Variants in PODXL observed in about 807,000 individuals in gnomAD.
The protein encoded by PODXL is podocalyxin like.
PODXL carries 20 observed loss-of-function variants against 48.9 expected under a neutral mutation model. The ratio of observed to expected loss-of-function variants is 0.41; its 90% confidence interval spans 0.29 to 0.59. The LOEUF (loss-of-function observed/expected upper bound fraction) is 0.59, where lower values mean the gene tolerates loss of function less well. PODXL is among the 20% of genes least tolerant of loss of function. The probability of loss-of-function intolerance (pLI) is 0.31; values close to 1 mark genes in which losing one functional copy is unlikely to be tolerated. For missense variants in PODXL, 606 were observed against 675.1 expected, an observed-to-expected ratio of 0.90 and a Z score of 1.13; for synonymous variants, 295 against 287.4, an observed-to-expected ratio of 1.03 and a Z score of -0.27.
intron 5 of PODXL, among the ~76,000 whole-genome samples, chr7:131,508,455 C>CGAA (rs1797847576): frequency 6.6e-6 from 1 of 152,078 alleles, no homozygotes; most frequent in African/African-American, 2.4e-5. Flanking sequence ...CAGGGTCTTC[C>CGAA]TATGTTTCCC....
chr7:131,555,758 G>T (rs181710513), intron 1 of PODXL, among the ~76,000 whole-genome samples: 9 of 152,342 alleles, frequency 5.9e-5, no homozygotes, highest in East Asian at 3.9e-4. Flanking sequence ...CTGCAAACGG[G>T]TAAGTACATC....
At chr7:131,548,054 C>T (rs1422433001) in intron 1 of PODXL, among the ~76,000 whole-genome samples, 2 of 152,244 alleles carry the variant, frequency 1.3e-5, no homozygotes, top group Non-Finnish European at 2.9e-5. Flanking sequence ...ATCCCTGTTG[C>T]AGCTCAAGAC....
chr7:131,509,224 G>T (rs569356670), intron 4 of PODXL, 141 bp downstream of exon 4: 1 of 815,410 alleles, frequency 1.2e-6, no homozygotes, highest in East Asian at 2.6e-5. Flanking sequence ...TAACCAGGGA[G>T]AGGGAGGAGG....
At position 131,504,329 on chromosome 7, in the gene PODXL, C is replaced by T. The variant is rs1584805455; in HGVS notation, c.1659G>A (p.Glu553=). 6.2e-7 allele frequency: 1 copy of T among 1,614,152 alleles called. No individual in the cohort carries two copies. Among genetic ancestry groups the T allele is most frequent in the Non-Finnish European group, 8.5e-7 (1 of 1,180,008 alleles). Residue 553 remains glutamate (E), a synonymous_variant, in exon 9 of 9, where the codon GAG becomes GAA. Transcript: ENST00000378555. ...GACCGGACTAGAGGTGTGTGTCTTC[C>T]TCCTCATCCAGGTCGTCCTTGGTCA... The part of the protein sequence containing the change: ...DNLTKDDLDE[E]EDTHL
intron 6 of PODXL, 121 bp from the exon 7 acceptor site, chr7:131,506,442 CTGGGAGGGGGTG>C: frequency 7.0e-7 from 1 of 1,434,796 alleles, no homozygotes; most frequent in South Asian, 1.2e-5. Context: ...CTCGGGTGAC[CTGGGAGGGGGTG>C]TGGCTTGACA....
At chr7:131,524,703 T>C (rs1375418770) in intron 1 of PODXL, among the ~76,000 whole-genome samples, 1 of 152,192 alleles carries the variant, frequency 6.6e-6, no homozygotes, top group African/African-American at 2.4e-5. Flanking sequence ...CAGTTTATTT[T>C]AAAGTGAAGC....
rs373593598 is a variant in PODXL, at chr7:131,556,320, A to G, written c.40T>C (p.Leu14=). 5.5e-4 allele frequency: 823 copies of G among 1,504,428 alleles called. 3 individuals carry two copies. In the African/African-American group the frequency reaches 0.011, roughly 20 times the overall value. 93.2% of individuals were successfully genotyped at this position (1,504,428 alleles called of 1,614,324 possible). ...ALALSALLLL[L]STPPLLPSSP... ...GACGGCAGCAGCGGCGGCGTTGACA[A>G]CAGTAGCAGCAGCGCCGAGAGCGCC... Residue 14 remains leucine (L), a synonymous_variant, in exon 1 of 9, where the codon TTG becomes CTG. Transcript: ENST00000378555.
intron 6 of PODXL, 74 bp from the exon 7 acceptor site, chr7:131,506,395 G>C: frequency 6.7e-7 from 1 of 1,496,500 alleles, no homozygotes; most frequent in Non-Finnish European, 9.3e-7. Flanking sequence ...TGCGCCCCAA[G>C]AGAGGGACGC....
intron 1 of PODXL, among the ~76,000 whole-genome samples, chr7:131,523,419 A>G (rs950725531): frequency 1.3e-5 from 2 of 152,130 alleles, no homozygotes; most frequent in African/African-American, 4.8e-5. Flanking sequence ...ATGGTGGCTC[A>G]CGCCTGTAAT....
At chr7:131,533,021 T>C (rs1392559429) in intron 1 of PODXL, among the ~76,000 whole-genome samples, 1 of 152,068 alleles carries the variant, frequency 6.6e-6, no homozygotes, top group Non-Finnish European at 1.5e-5. Flanking sequence ...TGTTATACTG[T>C]AACAAAAATC....
intron 1 of PODXL, among the ~76,000 whole-genome samples, chr7:131,520,742 C>T (rs1297894698): frequency 6.6e-6 from 1 of 152,058 alleles, no homozygotes; most frequent in African/African-American, 2.4e-5. Context: ...AAGCGCAAAC[C>T]AAAGAAAAAG....
intron 1 of PODXL, among the ~76,000 whole-genome samples, chr7:131,516,336 T>C (rs1733854): frequency 0.85 from 129,974 of 152,150 alleles, 56,138 homozygotes; most frequent in East Asian, 1. Context: ...GTCGGGAGTT[T>C]GAGACCAGCC....
At chr7:131,531,177 C>T (rs1241356639) in intron 1 of PODXL, among the ~76,000 whole-genome samples, 1 of 152,188 alleles carries the variant, frequency 6.6e-6, no homozygotes, top group Non-Finnish European at 1.5e-5. Context: ...TTCTGGATCC[C>T]TCCAGCCCAG....
rs549113979 is a variant in PODXL at position 131,545,227 on chromosome 7, T to G, written c.100+11033A>C. Among the ~76,000 whole-genome samples, 12 of 152,324 alleles carry G rather than the reference T, an allele frequency of 7.9e-5. No homozygotes were observed. The East Asian group carries it at 2.1e-3, about 27-fold the overall frequency. The stretch of plus-strand genomic sequence containing the variant: ...AGAAGCAACACCACTGCAAACACTC[T>G]TGAGGGGCCACCAGCCTGGAATGTA... On this transcript the variant is annotated intron_variant, in intron 1 of 8. Coordinates refer to ENST00000378555, the MANE Select transcript of PODXL (RefSeq NM_001018111.3).
rs1798104723 is a variant in PODXL at position 131,522,317 on chromosome 7, T to C, written c.101-10884A>G. Among the ~76,000 whole-genome samples the C allele has an allele frequency of 1.3e-5, 2 of 152,122 alleles. 1 individual carries two copies. The highest frequency in any genetic ancestry group is 4.2e-4 in the South Asian group (2 of 4,810). Reference sequence around the variant, plus strand: ...AATACAAAAAATTAGCCAGGCTTGGTGGCACATACTGAGTAGTCCCAGCTA... The same window carrying C: ...AATACAAAAAATTAGCCAGGCTTGGCGGCACATACTGAGTAGTCCCAGCTA... On this transcript the variant is annotated intron_variant, in intron 1 of 8. Transcript: ENST00000378555.
chr7:131,556,466 C>T lies in PODXL; in HGVS notation c.-107G>A. 1 of 1,242,770 alleles carries T rather than the reference C, an allele frequency of 8.0e-7. No individual in the cohort carries two copies. Among genetic ancestry groups the T allele is most frequent in the Middle Eastern group, 3.0e-4 (1 of 3,286 alleles). 77.0% of individuals were successfully genotyped at this position (1,242,770 alleles called of 1,614,324 possible). ...GCCGCCCGGGGAGGCCTGTGGGTGG[C>T]TCCGGAGGCCAGGCTGTGGCCCGGG... is the stretch of plus-strand genomic sequence containing the variant. On this transcript the variant is annotated 5_prime_UTR_variant, in exon 1 of 9. Coordinates refer to ENST00000378555, the MANE Select transcript of PODXL (RefSeq NM_001018111.3).
intron 1 of PODXL, among the ~76,000 whole-genome samples, chr7:131,535,501 T>C (rs1207202031): frequency 6.6e-6 from 1 of 152,224 alleles, no homozygotes; most frequent in Non-Finnish European, 1.5e-5. Context: ...GGAATCACTC[T>C]GTGACACAGT....
chr7:131,546,674 C>A (rs1038950183), intron 1 of PODXL, among the ~76,000 whole-genome samples: 1 of 134,638 alleles, frequency 7.4e-6, no homozygotes, highest in Non-Finnish European at 1.5e-5. Flanking sequence ...TGCAGTGAGT[C>A]GAGATCGTGC....
intron 1 of PODXL, among the ~76,000 whole-genome samples, chr7:131,517,595 C>T (rs772640092): frequency 1.1e-4 from 17 of 152,182 alleles, no homozygotes; most frequent in African/African-American, 1.7e-4. Context: ...GGAGGCTAGA[C>T]GTCCAAAATT....
Sources: gnomAD v4.1 joint callset for allele counts (sites outside exome capture counted in the v4.1 genomes callset) on GRCh38, gnomAD v4.1.1 for gene constraint, MANE v1.5 for transcripts, NCBI Gene and HGNC (gene_info 2026-07-23, HGNC 2026-07-21) for gene names.